The following CA8 variants were observed in gnomAD, a reference collection of about 807,000 sequenced individuals.
CA8 encodes the protein carbonic anhydrase-related protein.
A neutral mutation model predicts 41.4 loss-of-function variants in CA8; 22 were observed. The observed-to-expected ratio is 0.53, with a 90% confidence interval of 0.38 to 0.76. The LOEUF (loss-of-function observed/expected upper bound fraction) is 0.76, where lower values mean the gene tolerates loss of function less well. Ranked by LOEUF, CA8 falls within the 30% of genes least tolerant of loss-of-function variation. The probability of loss-of-function intolerance (pLI) is 0.00; values close to 1 mark genes in which losing one functional copy is unlikely to be tolerated. For missense variants in CA8, 270 were observed against 352.8 expected (o/e 0.77, Z 1.88); for synonymous variants, 121 against 130.6 (o/e 0.93, Z 0.50).
chr8:60,208,505 CA>C, intron 8 of CA8: 1 of 460,570 alleles, frequency 2.2e-6, no homozygotes. Context: ...TGAAAGCCAC[CA>C]AAACTTGGAA....
chr8:60,209,207 C>A lies in CA8; in HGVS notation c.739-288G>T, dbSNP rs192175503. 3.3e-4 allele frequency among the ~76,000 whole-genome samples: 50 copies of A among 152,274 alleles called. No homozygotes were observed. The East Asian group carries it at 5.8e-3, about 18-fold the overall frequency. ...TTGTTAATGTAAAAATGATACAGGC[C>A]GGGCACAGTGGCTCACGCCTGTAAT... On this transcript the variant is annotated intron_variant, in intron 7 of 8. Transcript: ENST00000317995.
At chr8:60,230,819 G>A (rs1807621944) in intron 4 of CA8, among the ~76,000 whole-genome samples, 1 of 152,176 alleles carries the variant, frequency 6.6e-6, no homozygotes, top group Admixed American at 6.5e-5. Flanking sequence ...TCAGTCCGGG[G>A]CTCTACGAAT....
intron 2 of CA8, among the ~76,000 whole-genome samples, chr8:60,270,732 T>C (rs1043628760): frequency 1.3e-5 from 2 of 152,218 alleles, no homozygotes; most frequent in Non-Finnish European, 2.9e-5. Context: ...GGTTCATTCT[T>C]AATGGATTTA....
chr8:60,237,815 G>C (rs149492396), intron 3 of CA8, among the ~76,000 whole-genome samples: 1 of 152,198 alleles, frequency 6.6e-6, no homozygotes, highest in Non-Finnish European at 1.5e-5. Context: ...GTGGTTTTCC[G>C]TAACAATTAA....
At chr8:60,276,357 A>G (rs545451734) in intron 2 of CA8, among the ~76,000 whole-genome samples, 60 of 152,320 alleles carry the variant, frequency 3.9e-4, no homozygotes, top group African/African-American at 1.4e-3. Context: ...GGAAAAAGAA[A>G]GGACAAGGAG....
intron 6 of CA8, among the ~76,000 whole-genome samples, chr8:60,224,003 A>G (rs902284151): frequency 6.6e-6 from 1 of 152,262 alleles, no homozygotes; most frequent in African/African-American, 2.4e-5. Flanking sequence ...TTATAAAATT[A>G]GATACAAAGT....
chr8:60,277,701 T>C (rs1051750409), intron 2 of CA8, among the ~76,000 whole-genome samples: 6 of 152,222 alleles, frequency 3.9e-5, no homozygotes, highest in African/African-American at 1.4e-4. Context: ...GATAAAACAT[T>C]ATTTAAATAA....
intron 3 of CA8, among the ~76,000 whole-genome samples, chr8:60,262,198 T>C (rs1803755253): frequency 6.6e-6 from 1 of 152,068 alleles, no homozygotes; most frequent in Admixed American, 6.6e-5. Flanking sequence ...ACACATAGAA[T>C]ATACAGCCTG....
intron 3 of CA8, among the ~76,000 whole-genome samples, chr8:60,246,280 C>CT (rs918286692): frequency 7.9e-6 from 1 of 127,260 alleles, no homozygotes; most frequent in African/African-American, 3.4e-5. Flanking sequence ...TAATGCATTT[C>CT]TGGGGGGGGT....
chr8:60,264,509 C>G (rs1377528639), intron 3 of CA8, among the ~76,000 whole-genome samples: 1 of 152,128 alleles, frequency 6.6e-6, no homozygotes, highest in Non-Finnish European at 1.5e-5. Flanking sequence ...TGAATTTTTC[C>G]TTGTCAGGTT....
rs148297638 is a variant in CA8, at chr8:60,232,316, G to A, written c.481C>T (p.His161Tyr). 3 of 1,613,926 alleles carry A rather than the reference G, an allele frequency of 1.9e-6. No homozygotes were observed. The highest frequency in any genetic ancestry group is 8.5e-7 in the Non-Finnish European group (1 of 1,179,796). The change falls in exon 4 of 9, where the codon CAC (histidine) becomes TAC (tyrosine). Residue 161 changes from histidine (H) to tyrosine (Y), a missense_variant. His to Tyr is a moderately conservative substitution (Grantham distance 83). Transcript: ENST00000317995. ...AACAGAGCAATGATGGCGATTCCGT[G>A]CGGCTTCCCCACAGCCTCATCAATG... ...GSIDEAVGKP[H>Y]GIAIIALFVQ...
chr8:60,230,896 C>T (rs1807625459), intron 4 of CA8, among the ~76,000 whole-genome samples: 2 of 152,158 alleles, frequency 1.3e-5, no homozygotes, highest in Non-Finnish European at 2.9e-5. Flanking sequence ...CTAATTCCAT[C>T]CACAAATATT....
At chr8:60,195,483 A>G (rs1181050975) in intron 8 of CA8, among the ~76,000 whole-genome samples, 1 of 152,192 alleles carries the variant, frequency 6.6e-6, no homozygotes, top group African/African-American at 2.4e-5. Flanking sequence ...ATAACTAACT[A>G]AAGTATCCCT....
intron 2 of CA8, among the ~76,000 whole-genome samples, chr8:60,278,725 A>G (rs903480728): frequency 6.6e-6 from 1 of 152,244 alleles, no homozygotes; most frequent in African/African-American, 2.4e-5. Flanking sequence ...ATGGATTCTA[A>G]ATTAAAGCTT....
rs1806035957 is a variant in CA8 at position 60,188,879 on chromosome 8, C to G, written c.*1142G>C. 1 of 152,148 alleles carries G rather than the reference C, an allele frequency of 6.6e-6. No homozygotes were observed. The highest frequency in any genetic ancestry group is 1.5e-5 in the Non-Finnish European group (1 of 68,028). The allele number at this position is 152,148 out of a possible 1,614,324, so 9.4% of individuals were successfully genotyped here. A position where few individuals can be genotyped will look rare whatever the true frequency, so the allele number is the denominator to read the frequency against. ...TAAAAACTCTGAACATATACTTATT[C>G]CACCTGTCTTCTATTTCTATGACTT... On this transcript the variant is annotated 3_prime_UTR_variant, in exon 9 of 9. Coordinates refer to ENST00000317995, the MANE Select transcript of CA8 (RefSeq NM_004056.6).
intron 3 of CA8, 114 bp downstream of exon 3, chr8:60,265,811 A>T (rs1311221920): frequency 8.4e-7 from 1 of 1,187,460 alleles, no homozygotes; most frequent in Admixed American, 2.0e-5. Flanking sequence ...TTTTAGTATA[A>T]ACTGATAAAA....
intron 1 of CA8, 103 bp from the exon 2 acceptor site, chr8:60,279,983 G>C: frequency 2.3e-6 from 2 of 851,358 alleles, no homozygotes; most frequent in South Asian, 1.7e-5. Flanking sequence ...ATCATGAAGA[G>C]AGTAATGATA....
intron 8 of CA8, among the ~76,000 whole-genome samples, chr8:60,199,847 A>G (rs1806373395): frequency 1.3e-5 from 2 of 152,246 alleles, no homozygotes; most frequent in African/African-American, 4.8e-5. Flanking sequence ...GTACCAACAT[A>G]AAAATATCTC....
intron 8 of CA8, among the ~76,000 whole-genome samples, chr8:60,190,454 T>C (rs1208033328): frequency 7.0e-6 from 1 of 142,476 alleles, no homozygotes; most frequent in Non-Finnish European, 1.5e-5. Context: ...TATATATATA[T>C]ATATATATAT....
Sources: allele counts gnomAD v4.1 joint callset (sites outside exome capture counted in the v4.1 genomes callset), GRCh38; gene constraint gnomAD v4.1.1; transcripts MANE v1.5; gene names NCBI Gene and HGNC (gene_info 2026-07-23, HGNC 2026-07-21).